Variants in PAPOLA observed in about 807,000 individuals in gnomAD.
The protein encoded by PAPOLA is poly(A) polymerase alpha.
In PAPOLA, 15 loss-of-function variants were observed where a neutral mutation model predicts 100.6. That is an observed-to-expected ratio of 0.15 (90% confidence interval 0.10 to 0.23). The LOEUF (loss-of-function observed/expected upper bound fraction) is 0.23. Ranked by LOEUF, PAPOLA falls within the 10% of genes least tolerant of loss-of-function variation. The probability of loss-of-function intolerance (pLI) is 1.00; values close to 1 mark genes in which losing one functional copy is unlikely to be tolerated. For synonymous variants in PAPOLA, 293 were observed against 300.0 expected, an observed-to-expected ratio of 0.98 and a Z score of 0.24; for missense variants, 533 against 884.2, an observed-to-expected ratio of 0.60 and a Z score of 5.04.
intron 16 of PAPOLA, among the ~76,000 whole-genome samples, chr14:96,549,564 A>C (rs1325892426): frequency 1.3e-5 from 2 of 152,058 alleles, no homozygotes; most frequent in African/African-American, 4.8e-5. Context: ...TTTCTTCTTA[A>C]CCTAATGGTT....
chr14:96,514,553 C>T lies in PAPOLA; in HGVS notation c.9-5502C>T, dbSNP rs1202753411. Among the ~76,000 whole-genome samples, 8 of 152,240 alleles carry T rather than the reference C, an allele frequency of 5.3e-5. No homozygotes were observed. In the East Asian group the frequency reaches 1.2e-3, roughly 22 times the overall value. ...TTGAGATTGTATATATTAGTTAAGT[C>T]GAATGTCTAACCTTTTGAAACAAAT... On this transcript the variant is annotated intron_variant, in intron 1 of 21. Coordinates refer to ENST00000216277, the MANE Select transcript of PAPOLA (RefSeq NM_032632.5).
At chr14:96,513,012 T>G (rs537951836) in intron 1 of PAPOLA, among the ~76,000 whole-genome samples, 1 of 152,364 alleles carries the variant, frequency 6.6e-6, no homozygotes, top group African/African-American at 2.4e-5. Flanking sequence ...TGTCTTCCAG[T>G]CTTTGCACCC....
At chr14:96,506,515 A>G (rs1263229959) in intron 1 of PAPOLA, among the ~76,000 whole-genome samples, 1 of 152,204 alleles carries the variant, frequency 6.6e-6, no homozygotes, top group Non-Finnish European at 1.5e-5. Context: ...CTGTCACTCC[A>G]AGGTAAACAA....
intron 1 of PAPOLA, among the ~76,000 whole-genome samples, chr14:96,511,975 T>C (rs1045058561): frequency 6.6e-6 from 1 of 152,206 alleles, no homozygotes; most frequent in Non-Finnish European, 1.5e-5. Context: ...ATAAACTGAG[T>C]TTTTAGCTAA....
intron 5 of PAPOLA, 171 bp downstream of exon 5, chr14:96,527,710 A>C (rs45478297): frequency 3.3e-6 from 2 of 611,414 alleles, no homozygotes; most frequent in Non-Finnish European, 5.8e-6. Flanking sequence ...CTAAAATTAT[A>C]AACTCATTTA....
intron 1 of PAPOLA, among the ~76,000 whole-genome samples, chr14:96,507,305 T>TTTTTTTTTTTTTC (rs59549622): frequency 1.0e-5 from 1 of 99,146 alleles, no homozygotes; most frequent in Admixed American, 1.1e-4. Context: ...TTTTTTTTTT[T>TTTTTTTTTTTTTC]GAGACGGAGT....
At chr14:96,542,989 G>T (rs948610620) in intron 14 of PAPOLA, 96 bp downstream of exon 14, 73 of 1,253,462 alleles carry the variant, frequency 5.8e-5, no homozygotes, top group Admixed American at 4.8e-4. Context: ...TAACTATTCT[G>T]TTGACTACAT....
At chr14:96,528,529 CT>C (rs1241219021) in intron 6 of PAPOLA, among the ~76,000 whole-genome samples, 1 of 152,164 alleles carries the variant, frequency 6.6e-6, no homozygotes. Flanking sequence ...TAATTCATTA[CT>C]TTTGCTGTAC....
intron 3 of PAPOLA, among the ~76,000 whole-genome samples, chr14:96,523,926 A>G (rs540527740): frequency 1.8e-4 from 27 of 151,632 alleles, no homozygotes; most frequent in African/African-American, 5.1e-4. Flanking sequence ...CCTGGGTGAC[A>G]GAGCGAGACT....
chr14:96,562,803 C>T lies in PAPOLA; in HGVS notation c.2068-16C>T. 2 of 1,534,712 alleles carry T rather than the reference C, an allele frequency of 1.3e-6. No homozygotes were observed. Among genetic ancestry groups the T allele is most frequent in the Non-Finnish European group, 1.8e-6 (2 of 1,112,986 alleles). On this transcript the variant is annotated splice_polypyrimidine_tract_variant and intron_variant, in intron 20 of 21. Coordinates refer to ENST00000216277, the MANE Select transcript of PAPOLA (RefSeq NM_032632.5). Reference sequence around the variant, plus strand: ...TAAGTCTCTTTTCCCCCTTCCCCATCCTCTTTGTCTCACAGGAACAACTTG... The same window carrying T: ...TAAGTCTCTTTTCCCCCTTCCCCATTCTCTTTGTCTCACAGGAACAACTTG...
chr14:96,526,518 G>T (rs1019278656), intron 4 of PAPOLA: 1 of 152,244 alleles, frequency 6.6e-6, no homozygotes, highest in Non-Finnish European at 1.5e-5. Context: ...TTTTATTTTG[G>T]TAGAGACAGG....
chr14:96,549,885 G>C (rs1271433833), intron 16 of PAPOLA, among the ~76,000 whole-genome samples: 2 of 152,146 alleles, frequency 1.3e-5, no homozygotes, highest in Non-Finnish European at 2.9e-5. Context: ...GGGAATGGTG[G>C]CTCATGCTTG....
chr14:96,515,162 A>G (rs1468451522), intron 1 of PAPOLA, among the ~76,000 whole-genome samples: 1 of 152,260 alleles, frequency 6.6e-6, no homozygotes, highest in Non-Finnish European at 1.5e-5. Context: ...GTTAAAATTA[A>G]AACAATTAAA....
rs773884839 is a variant in PAPOLA, at chr14:96,552,461, A to C, written c.1522-19A>C. On this transcript the variant is annotated intron_variant, in intron 16 of 21. Coordinates refer to ENST00000216277, the MANE Select transcript of PAPOLA (RefSeq NM_032632.5). Reference sequence around the variant, plus strand: ...GATGAAATAAAGATATATTTGATAAAATGTTTTATTGTTTGCAGCATTCAA... The same window carrying C: ...GATGAAATAAAGATATATTTGATAACATGTTTTATTGTTTGCAGCATTCAA... 1.2e-6 allele frequency: 2 copies of C among 1,603,048 alleles called. No homozygotes were observed. The highest frequency in any genetic ancestry group is 2.2e-5 in the South Asian group (2 of 90,232).
At chr14:96,527,362 C>T in intron 4 of PAPOLA, 68 bp from the exon 5 acceptor site, 2 of 920,518 alleles carry the variant, frequency 2.2e-6, no homozygotes, top group South Asian at 1.4e-5. Flanking sequence ...TCAAATACTA[C>T]CATGATAGGA....
At chr14:96,531,072 G>A (rs1242484373) in intron 6 of PAPOLA, among the ~76,000 whole-genome samples, 1 of 152,044 alleles carries the variant, frequency 6.6e-6, no homozygotes, top group Admixed American at 6.5e-5. Context: ...GTGCGGTCTC[G>A]GCTCACTGCA....
At chr14:96,516,823 G>A (rs1198276503) in intron 1 of PAPOLA, among the ~76,000 whole-genome samples, 2 of 152,206 alleles carry the variant, frequency 1.3e-5, no homozygotes, top group African/African-American at 4.8e-5. Flanking sequence ...GGCTGAACAA[G>A]TCTTGTGCGC....
chr14:96,547,411 T>C (rs1042300201), intron 15 of PAPOLA, among the ~76,000 whole-genome samples: 4 of 152,204 alleles, frequency 2.6e-5, no homozygotes, highest in African/African-American at 7.2e-5. Flanking sequence ...GTTTGACTTA[T>C]TTTACAGCAT....
intron 19 of PAPOLA, 50 bp downstream of exon 19, chr14:96,556,463 A>G (rs751892389): frequency 3.6e-5 from 42 of 1,176,976 alleles, no homozygotes; most frequent in Admixed American, 2.1e-4. Flanking sequence ...CCAACTGCCT[A>G]TTTTTAAATC....
Sources: gnomAD v4.1 joint callset for allele counts (sites outside exome capture counted in the v4.1 genomes callset) on GRCh38, gnomAD v4.1.1 for gene constraint, MANE v1.5 for transcripts, NCBI Gene and HGNC (gene_info 2026-07-23, HGNC 2026-07-21) for gene names.